Variants in LRBA observed in about 807,000 individuals in gnomAD.
LRBA encodes lipopolysaccharide-responsive and beige-like anchor protein.
Under a neutral mutation model 330.0 loss-of-function variants are expected in LRBA, and 176 were observed. The observed-to-expected ratio is 0.53, with a 90% confidence interval of 0.47 to 0.60. The LOEUF is 0.60. Ranked by LOEUF, LRBA falls within the 20% of genes least tolerant of loss-of-function variation. The probability of loss-of-function intolerance (pLI) is 0.00; values close to 1 mark genes in which losing one functional copy is unlikely to be tolerated. For synonymous variants in LRBA, 1,230 were observed against 1,193.0 expected (o/e 1.03, Z -0.64); for missense variants, 3,259 against 3,444.8 (o/e 0.95, Z 1.35).
rs1735124028 is a variant in LRBA at position 150,761,770 on chromosome 4, T to C, written c.5645+13A>G. 2 of 1,501,976 alleles carry C rather than the reference T, an allele frequency of 1.3e-6. No homozygotes were observed. Among genetic ancestry groups the C allele is most frequent in the Non-Finnish European group, 1.8e-6 (2 of 1,111,148 alleles). The allele number at this position is 1,501,976 out of a possible 1,614,324, so 93.0% of individuals were successfully genotyped here. On this transcript the variant is annotated intron_variant, in intron 35 of 56. Coordinates refer to ENST00000651943, the MANE Select transcript of LRBA (RefSeq NM_001364905.1). ...AAGAAAAATACAAAATGAATTAAAA[T>C]AAAATAAATTACCTTCCTTCATTGA...
At chr4:150,794,432 T>C (rs1740443755) in intron 34 of LRBA, among the ~76,000 whole-genome samples, 1 of 151,680 alleles carries the variant, frequency 6.6e-6, no homozygotes, top group Non-Finnish European at 1.5e-5. Flanking sequence ...AACTTGGGAT[T>C]AGAGAAAAGA....
chr4:150,810,142 C>T (rs1743505884), intron 31 of LRBA, among the ~76,000 whole-genome samples: 1 of 152,116 alleles, frequency 6.6e-6, no homozygotes, highest in Non-Finnish European at 1.5e-5. Flanking sequence ...TTTCCTGAAA[C>T]ATGCTTGGTT....
intron 2 of LRBA, among the ~76,000 whole-genome samples, chr4:150,941,385 T>TCA: frequency 6.6e-6 from 1 of 151,932 alleles, no homozygotes; most frequent in Non-Finnish European, 1.5e-5. Flanking sequence ...ACTCCTGACC[T>TCA]TGTGATCCAC....
At chr4:150,965,519 A>G (rs1241270661) in intron 2 of LRBA, among the ~76,000 whole-genome samples, 3 of 152,150 alleles carry the variant, frequency 2.0e-5, no homozygotes, top group Non-Finnish European at 4.4e-5. Flanking sequence ...TATCGTCTAT[A>G]TATCAATCAT....
intron 35 of LRBA, among the ~76,000 whole-genome samples, chr4:150,759,824 G>A (rs1453439067): frequency 6.6e-6 from 1 of 152,086 alleles, no homozygotes; most frequent in Non-Finnish European, 1.5e-5. Flanking sequence ...AGGAACTGAA[G>A]CTCAAAAACT....
At chr4:150,463,987 G>A (rs976263178) in intron 44 of LRBA, among the ~76,000 whole-genome samples, 1 of 139,622 alleles carries the variant, frequency 7.2e-6, no homozygotes. Context: ...TACAAAGATG[G>A]AGGAAGAGAA....
chr4:150,740,092 G>GA (rs1560753874), intron 35 of LRBA, among the ~76,000 whole-genome samples: 2 of 152,156 alleles, frequency 1.3e-5, no homozygotes, highest in South Asian at 4.2e-4. Flanking sequence ...ATGCACCTCT[G>GA]AAAAAAACGC....
At chr4:150,665,417 C>G (rs1781477348) in intron 37 of LRBA, among the ~76,000 whole-genome samples, 1 of 151,790 alleles carries the variant, frequency 6.6e-6, no homozygotes, top group African/African-American at 2.4e-5. Context: ...AGATGCCAGC[C>G]AAGGGTCCAC....
chr4:150,923,082 G>A (rs1485946769), intron 4 of LRBA, among the ~76,000 whole-genome samples: 1 of 150,342 alleles, frequency 6.7e-6, no homozygotes, highest in African/African-American at 2.4e-5. Flanking sequence ...GTATGTTTTT[G>A]ATCCAAAATA....
At chr4:150,944,172 G>A (rs1735989264) in intron 2 of LRBA, among the ~76,000 whole-genome samples, 1 of 152,126 alleles carries the variant, frequency 6.6e-6, no homozygotes, top group African/African-American at 2.4e-5. Context: ...CAGAAAAACT[G>A]AGCTGATAAA....
At chr4:150,660,793 A>G (rs1258165628) in intron 37 of LRBA, among the ~76,000 whole-genome samples, 1 of 122,538 alleles carries the variant, frequency 8.2e-6, no homozygotes, top group Non-Finnish European at 1.7e-5. Flanking sequence ...TCTCTGAAAC[A>G]TGTGCTGTGT....
intron 37 of LRBA, among the ~76,000 whole-genome samples, chr4:150,643,655 CA>C (rs1778883835): frequency 6.6e-6 from 1 of 151,824 alleles, no homozygotes; most frequent in Non-Finnish European, 1.5e-5. Context: ...TCAGATCATC[CA>C]GGGCTTTGTA....
chr4:150,830,209 C>T (rs1746959585), intron 29 of LRBA, among the ~76,000 whole-genome samples: 1 of 152,146 alleles, frequency 6.6e-6, no homozygotes, highest in Non-Finnish European at 1.5e-5. Flanking sequence ...GCTTGACTGA[C>T]AATAACCCAC....
intron 40 of LRBA, among the ~76,000 whole-genome samples, chr4:150,559,571 T>G (rs1445485484): frequency 4.1e-5 from 5 of 120,546 alleles, no homozygotes; most frequent in Non-Finnish European, 8.1e-5. Flanking sequence ...TATATAAATA[T>G]ATAAATATAT....
intron 36 of LRBA, among the ~76,000 whole-genome samples, chr4:150,686,921 G>A (rs1783674096): frequency 6.6e-6 from 1 of 152,054 alleles, no homozygotes; most frequent in Non-Finnish European, 1.5e-5. Flanking sequence ...AGGGCTCAAG[G>A]TAAGCTAAAC....
chr4:150,842,964 A>C lies in LRBA; in HGVS notation c.4569+1136T>G, dbSNP rs572764747. ...GATGATTCAAGTGCATTACATTTAT[A>C]ATTAGATTTTCATAAGGAGCGCACA... On this transcript the variant is annotated intron_variant, in intron 28 of 56. Coordinates refer to ENST00000651943, the MANE Select transcript of LRBA (RefSeq NM_001364905.1). 4.8e-3 allele frequency among the ~76,000 whole-genome samples: 737 copies of C among 152,248 alleles called. 7 individuals are homozygous for C. Among genetic ancestry groups the C allele is most frequent in the Non-Finnish European group, 8.7e-3 (593 of 68,008 alleles).
chr4:150,854,386 T>G (rs1750974222), intron 22 of LRBA, among the ~76,000 whole-genome samples: 1 of 152,254 alleles, frequency 6.6e-6, no homozygotes, highest in South Asian at 2.1e-4. Flanking sequence ...GCCAATATTT[T>G]ATTTGACATG....
At chr4:150,817,376 T>C in intron 30 of LRBA, 119 bp from the exon 31 acceptor site, 2 of 873,910 alleles carry the variant, frequency 2.3e-6, no homozygotes, top group Non-Finnish European at 3.6e-6. Context: ...TTCTTATTTC[T>C]ATTTGATGTA....
At chr4:150,916,893 C>T (rs1288837930) in intron 5 of LRBA, among the ~76,000 whole-genome samples, 155 bp from the exon 6 acceptor site, 1 of 152,172 alleles carries the variant, frequency 6.6e-6, no homozygotes, top group Non-Finnish European at 1.5e-5. Context: ...GTGGCTCACG[C>T]CTGTAATCCC....
Sources: gnomAD v4.1 joint callset for allele counts (sites outside exome capture counted in the v4.1 genomes callset) on GRCh38, gnomAD v4.1.1 for gene constraint, MANE v1.5 for transcripts, NCBI Gene and HGNC (gene_info 2026-07-23, HGNC 2026-07-21) for gene names.